Variants in ZNF714 observed in about 807,000 individuals in gnomAD.
ZNF714 encodes the protein zinc finger protein 714.
ZNF714 carries 32 observed loss-of-function variants against 46.2 expected under a neutral mutation model. The observed-to-expected ratio is 0.69, with a 90% confidence interval of 0.52 to 0.93. ZNF714 has a LOEUF of 0.93. Among genes scored for constraint, ZNF714 ranks in the 40% least tolerant of loss-of-function variants. The pLI is 0.00. For synonymous variants in ZNF714, 199 were observed against 213.1 expected (o/e 0.93, Z 0.58); for missense variants, 635 against 646.3 (o/e 0.98, Z 0.19).
chr19:21,117,339 A>G lies in ZNF714; in HGVS notation c.675A>G (p.Gly225=). 1 of 1,613,624 alleles carries G rather than the reference A, an allele frequency of 6.2e-7. No individual in the cohort carries two copies. ...TLTTHKMIHT[G]EKPYRCEECG... is the part of the protein sequence containing the mutation. Reference sequence around the variant, plus strand: ...CTACACATAAGATGATTCATACTGGAGAGAAACCCTACAGATGTGAAGAAT... The same window carrying G: ...CTACACATAAGATGATTCATACTGGGGAGAAACCCTACAGATGTGAAGAAT... The change falls in exon 5 of 5, where the codon GGA becomes GGG. Residue 225 remains glycine (G), a synonymous_variant. Transcript: ENST00000456283.
rs543425791 is a variant in ZNF714, at chr19:21,105,904, G to A, written c.142+6994G>A. Reference sequence around the variant, plus strand: ...CGGAAGGTGTAAGTTGCAGTGAGCCGAGATCATGCCACTGCACTCCAGCCT... The same window carrying A: ...CGGAAGGTGTAAGTTGCAGTGAGCCAAGATCATGCCACTGCACTCCAGCCT... On this transcript the variant is annotated intron_variant, in intron 4 of 4. Transcript: ENST00000456283. Among the ~76,000 whole-genome samples the A allele has an allele frequency of 1.6e-4, 25 of 152,028 alleles. 1 individual carries two copies. The South Asian group carries it at 4.6e-3, about 28-fold the overall frequency.
intron 2 of ZNF714, 96 bp from the exon 3 acceptor site, chr19:21,098,089 T>G: frequency 6.7e-7 from 1 of 1,483,920 alleles, no homozygotes; most frequent in East Asian, 2.4e-5. Flanking sequence ...GTCAACCAAT[T>G]CTCTTTACTC....
intron 4 of ZNF714, among the ~76,000 whole-genome samples, chr19:21,110,271 T>TAAA (rs1969421124): frequency 6.6e-6 from 1 of 152,244 alleles, no homozygotes; most frequent in South Asian, 2.1e-4. Flanking sequence ...GTTTCTTGGC[T>TAAA]TTTTAGTAAT....
rs1034790475 is a variant in ZNF714, at chr19:21,122,721, A to G, written c.*4389A>G. ...CCTTCTTTTTCTGAGTTATAGCTACAGTTTTCTGACTGTTCTCTTCACGCC... is the reference window on the plus strand; with the variant it reads ...CCTTCTTTTTCTGAGTTATAGCTACGGTTTTCTGACTGTTCTCTTCACGCC... On this transcript the variant is annotated 3_prime_UTR_variant, in exon 5 of 5. Coordinates refer to ENST00000456283, the MANE Select transcript of ZNF714 (RefSeq NM_182515.4). 10 of 152,158 alleles carry G rather than the reference A, an allele frequency of 6.6e-5. No homozygotes were observed. Among genetic ancestry groups the G allele is most frequent in the Admixed American group, 6.5e-4 (10 of 15,276 alleles). 9.4% of individuals were successfully genotyped at this position (152,158 alleles called of 1,614,324 possible). A position where few individuals can be genotyped will look rare whatever the true frequency, so the allele number is the denominator to read the frequency against.
At chr19:21,107,515 A>AAAAT (rs1568279462) in intron 4 of ZNF714, among the ~76,000 whole-genome samples, 78 of 139,924 alleles carry the variant, frequency 5.6e-4, no homozygotes, top group Middle Eastern at 3.5e-3. Context: ...CTGGGATTGC[A>AAAAT]GGTGTAAGCC....
intron 2 of ZNF714, 37 bp from the exon 3 acceptor site, chr19:21,098,148 G>T: frequency 1.3e-6 from 2 of 1,555,730 alleles, no homozygotes; most frequent in South Asian, 2.5e-5. Flanking sequence ...TGGCCACTTG[G>T]TAAATATACG....
intron 4 of ZNF714, among the ~76,000 whole-genome samples, chr19:21,105,103 C>A (rs1395362237): frequency 1.4e-5 from 2 of 145,974 alleles, no homozygotes. Context: ...TGGCTCACTG[C>A]AAACTCTGCC....
At position 21,122,889 on chromosome 19, in the gene ZNF714, T is replaced by A. The variant is rs1969728562; in HGVS notation, c.*4557T>A. ...TAAGATAAAAGCCAGGTGTGGTGGC[T>A]CACGCCTCTAATCCCAGCACTTTGA... On this transcript the variant is annotated 3_prime_UTR_variant, in exon 5 of 5. Coordinates refer to ENST00000456283, the MANE Select transcript of ZNF714 (RefSeq NM_182515.4). The A allele has an allele frequency of 6.6e-6, 1 of 152,120 alleles. No homozygotes were observed. The highest frequency in any genetic ancestry group is 1.5e-5 in the Non-Finnish European group (1 of 68,018). 9.4% of individuals were successfully genotyped at this position (152,120 alleles called of 1,614,324 possible).
Position 21,095,827 on chromosome 19 carries a change from C to T in ZNF714, c.-84-2358C>T, listed in dbSNP as rs901075632. On this transcript the variant is annotated intron_variant, in intron 2 of 4. Transcript: ENST00000456283. The stretch of plus-strand genomic sequence containing the variant: ...ACTCCACCGGACTTTGTCACCCCCA[C>T]GACCTGATGTTGGGTCTGATCACCC... 5.3e-5 allele frequency among the ~76,000 whole-genome samples: 8 copies of T among 152,296 alleles called. 1 individual carries two copies. In the South Asian group the frequency reaches 1.2e-3, roughly 24 times the overall value.
intron 4 of ZNF714, among the ~76,000 whole-genome samples, chr19:21,108,584 AT>A (rs1969375748): frequency 6.6e-6 from 1 of 152,164 alleles, no homozygotes. Flanking sequence ...GTCTCTTACC[AT>A]GTGATATGTC....
At chr19:21,101,072 A>G (rs1969169483) in intron 4 of ZNF714, among the ~76,000 whole-genome samples, 1 of 152,170 alleles carries the variant, frequency 6.6e-6, no homozygotes, top group Non-Finnish European at 1.5e-5. Context: ...CTATCCACAA[A>G]AAGCAACTTT....
At chr19:21,109,586 TTTTAA>T (rs1261047146) in intron 4 of ZNF714, 8 of 232,300 alleles carry the variant, frequency 3.4e-5, no homozygotes, top group East Asian at 3.5e-4. Flanking sequence ...GTTGTTTTTT[TTTTAA>T]TTTAATTTAA....
At chr19:21,102,028 G>C (rs922281198) in intron 4 of ZNF714, among the ~76,000 whole-genome samples, 3 of 152,166 alleles carry the variant, frequency 2.0e-5, no homozygotes, top group Non-Finnish European at 2.9e-5. Context: ...ATCCTGGCCT[G>C]CAGCAATTCT....
intron 4 of ZNF714, among the ~76,000 whole-genome samples, chr19:21,101,220 T>A (rs1183848223): frequency 6.6e-6 from 1 of 152,202 alleles, no homozygotes; most frequent in Admixed American, 6.5e-5. Flanking sequence ...ATCTGTGAAT[T>A]TGAAGGAGCA....
rs987294426 is a variant in ZNF714, at chr19:21,125,027, A to G, written c.*6695A>G. The G allele has an allele frequency of 7.7e-5, 11 of 143,256 alleles. No homozygotes were observed. The highest frequency in any genetic ancestry group is 1.5e-4 in the Non-Finnish European group (10 of 66,690). The allele number at this position is 143,256 out of a possible 1,614,324, so 8.9% of individuals were successfully genotyped here. A position where few individuals can be genotyped will look rare whatever the true frequency, so the allele number is the denominator to read the frequency against. ...GAAGCCAGGGCAGGTGGATTGCTTG[A>G]GCCCAGGAGTTTGAGACCAGCCTGG... is the stretch of plus-strand genomic sequence containing the variant. On this transcript the variant is annotated 3_prime_UTR_variant, in exon 5 of 5. Coordinates refer to ENST00000456283, the MANE Select transcript of ZNF714 (RefSeq NM_182515.4).
In ZNF714 at chr19:21,117,606, A is replaced by T; in HGVS notation, c.942A>T (p.Lys314Asn). 1 of 1,611,112 alleles carries T rather than the reference A, an allele frequency of 6.2e-7. No homozygotes were observed. The highest frequency in any genetic ancestry group is 1.7e-4 in the Middle Eastern group (1 of 6,052). The change falls in exon 5 of 5, where the codon AAA becomes AAT. Residue 314 changes from lysine (K) to asparagine (N), a missense_variant. By Grantham distance (94) the Lys-to-Asn change is moderately conservative. Transcript: ENST00000456283. The stretch of plus-strand genomic sequence containing the variant: ...TTCATTCTGGAGAGAAATCTTACAA[A>T]TGTGAACAATGTGGCAAAGGCTTTA... ...KIIHSGEKSY[K>N]CEQCGKGFNW...
chr19:21,102,046 C>T lies in ZNF714; in HGVS notation c.142+3136C>T, dbSNP rs115049658. ...CTGGCCTGCAGCAATTCTCCAACCT[C>T]AGTGTACCATGTAGCAGTCATTACA... is the stretch of plus-strand genomic sequence containing the variant. On this transcript the variant is annotated intron_variant, in intron 4 of 4. Transcript: ENST00000456283. Among the ~76,000 whole-genome samples, 1,104 of 152,226 alleles carry T rather than the reference C, an allele frequency of 7.3e-3. 16 individuals are homozygous for T. Among genetic ancestry groups the T allele is most frequent in the African/African-American group, 0.026 (1,076 of 41,522 alleles).
At position 21,116,896 on chromosome 19, in the gene ZNF714, T is replaced by C. The variant is rs374811110; in HGVS notation, c.232T>C (p.Cys78Arg). ...QQVILRRHGK[C>R]EHENLQLRKG... is the part of the protein sequence containing the mutation. ...AGTGATACTGAGAAGACATGGCAAA[T>C]GTGAACATGAGAATTTACAGTTAAG... The change falls in exon 5 of 5, where the codon TGT becomes CGT. Residue 78 changes from cysteine (C) to arginine (R), a missense_variant. Coordinates refer to ENST00000456283, the MANE Select transcript of ZNF714 (RefSeq NM_182515.4). 6.2e-7 allele frequency: 1 copy of C among 1,613,776 alleles called. No homozygotes were observed. Among genetic ancestry groups the C allele is most frequent in the Non-Finnish European group, 8.5e-7 (1 of 1,179,882 alleles).
chr19:21,088,698 G>A (rs780554290), intron 2 of ZNF714, among the ~76,000 whole-genome samples: 1 of 152,014 alleles, frequency 6.6e-6, no homozygotes, highest in African/African-American at 2.4e-5. Context: ...AATTAATCAG[G>A]GTTCTTTTAT....
Sources: gnomAD v4.1 joint callset for allele counts (sites outside exome capture counted in the v4.1 genomes callset) on GRCh38, gnomAD v4.1.1 for gene constraint, MANE v1.5 for transcripts, NCBI Gene and HGNC (gene_info 2026-07-23, HGNC 2026-07-21) for gene names.